Variants in ANKIB1 observed in about 807,000 individuals in gnomAD.
The protein encoded by ANKIB1 is ankyrin repeat and IBR domain-containing protein 1.
ANKIB1 carries 43 observed loss-of-function variants against 122.1 expected under a neutral mutation model. That is an observed-to-expected ratio of 0.35 (90% CI 0.28 to 0.45). The LOEUF (loss-of-function observed/expected upper bound fraction) is 0.45. Among genes scored for constraint, ANKIB1 ranks in the 20% least tolerant of loss-of-function variants. The pLI is 1.00. For synonymous variants in ANKIB1, 390 were observed against 442.0 expected, an observed-to-expected ratio of 0.88 and a Z score of 1.48; for missense variants, 992 against 1,329.5, an observed-to-expected ratio of 0.75 and a Z score of 3.95.
intron 3 of ANKIB1, among the ~76,000 whole-genome samples, chr7:92,311,251 A>C (rs1802685868): frequency 6.6e-6 from 1 of 152,164 alleles, no homozygotes; most frequent in African/African-American, 2.4e-5. Flanking sequence ...AGATTATAGT[A>C]TGGTGGAGGG....
chr7:92,313,017 T>C (rs1209324467), intron 3 of ANKIB1, among the ~76,000 whole-genome samples: 2 of 152,144 alleles, frequency 1.3e-5, no homozygotes, highest in Non-Finnish European at 2.9e-5. Context: ...CCCTAGTCAT[T>C]AGGCCTCATT....
In ANKIB1 at chr7:92,276,235, A is replaced by G. The variant is rs377470451; in HGVS notation, c.-90-18654A>G. Among the ~76,000 whole-genome samples the G allele has an allele frequency of 5.3e-5, 8 of 152,348 alleles. No homozygotes were observed. In the East Asian group the frequency reaches 7.7e-4, roughly 15 times the overall value. ...TGAACAAATACTGTAAAATTATTCTACAGAACAATTGTTCCAAGTTGTACC... is the reference window on the plus strand; with the variant it reads ...TGAACAAATACTGTAAAATTATTCTGCAGAACAATTGTTCCAAGTTGTACC... On this transcript the variant is annotated intron_variant, in intron 1 of 19. Transcript: ENST00000265742.
intron 5 of ANKIB1, among the ~76,000 whole-genome samples, chr7:92,338,934 ATATATATATAT>A (rs1234223009): frequency 5.2e-4 from 7 of 13,492 alleles, no homozygotes; most frequent in Non-Finnish European, 7.1e-4. Flanking sequence ...AAAAAAAAAA[ATATATATATAT>A]ATATATATAT....
At position 92,399,248 on chromosome 7, in the gene ANKIB1, TCCTCTATTTAG is replaced by T. The variant is rs776871815; in HGVS notation, c.*303_*313del. 4 of 203,404 alleles carry T rather than the reference TCCTCTATTTAG, an allele frequency of 2.0e-5. No homozygotes were observed. Among genetic ancestry groups the T allele is most frequent in the Non-Finnish European group, 3.9e-5 (4 of 102,768 alleles). 12.6% of individuals were successfully genotyped at this position (203,404 alleles called of 1,614,324 possible). ...TATTCCACACTCTAAGAAAATGCAG[TCCTCTATTTAG>T]CCTAGGCTTGACAATACTTAAATTG... On this transcript the variant is annotated 3_prime_UTR_variant, in exon 20 of 20. Coordinates refer to ENST00000265742, the MANE Select transcript of ANKIB1 (RefSeq NM_019004.2).
intron 2 of ANKIB1, among the ~76,000 whole-genome samples, chr7:92,295,966 A>G (rs2131920934): frequency 6.6e-6 from 1 of 152,200 alleles, no homozygotes; most frequent in East Asian, 1.9e-4. Context: ...AAGAGAAAGG[A>G]AAAAAATGCT....
chr7:92,397,569 T>TG (rs149839139), intron 18 of ANKIB1, among the ~76,000 whole-genome samples, 154 bp from the exon 19 acceptor site: 1,627 of 152,090 alleles, frequency 0.011, 33 homozygotes, highest in African/African-American at 0.038. Context: ...CAAATATGGA[T>TG]GAGAAATCCC....
At chr7:92,254,184 G>C (rs1200228628) in intron 1 of ANKIB1, among the ~76,000 whole-genome samples, 2 of 152,148 alleles carry the variant, frequency 1.3e-5, no homozygotes, top group Admixed American at 6.5e-5. Context: ...AGGAACCAGA[G>C]ATGAAAACAG....
At chr7:92,340,586 TAAG>T (rs1047759055) in intron 5 of ANKIB1, among the ~76,000 whole-genome samples, 2 of 150,948 alleles carry the variant, frequency 1.3e-5, no homozygotes, top group African/African-American at 4.8e-5. Flanking sequence ...CATGTAAATC[TAAG>T]GACAGAGAAA....
rs1437342604 is a variant in ANKIB1, at chr7:92,307,591, G to A, written c.421G>A (p.Val141Ile). 5 of 1,613,334 alleles carry A rather than the reference G, an allele frequency of 3.1e-6. No homozygotes were observed. The East Asian group carries it at 8.9e-5, about 29-fold the overall frequency. The part of the protein sequence containing the change: ...GEYERAAIDA[V>I]DNKKNTPLHY... ...ATATGAGAGAGCAGCTATTGATGCTGTTGATAACAAAAAAAACACACCCTT... is the reference window on the plus strand; with the variant it reads ...ATATGAGAGAGCAGCTATTGATGCTATTGATAACAAAAAAAACACACCCTT... Residue 141 changes from valine to isoleucine, a missense_variant, in exon 3 of 20, where the codon GTT becomes ATT. This residue lies in a region of ANKIB1 where 521 missense variants were observed against 777.7 expected (regional missense o/e 0.67). Transcript: ENST00000265742.
At chr7:92,259,630 T>G (rs1801518970) in intron 1 of ANKIB1, among the ~76,000 whole-genome samples, 1 of 152,224 alleles carries the variant, frequency 6.6e-6, no homozygotes, top group Admixed American at 6.5e-5. Context: ...CCAGGTTGTA[T>G]CTCCAGCCCA....
rs145953410 is a variant in ANKIB1 at position 92,395,175 on chromosome 7, G to T, written c.2284-1190G>T. On this transcript the variant is annotated intron_variant, in intron 17 of 19. Coordinates refer to ENST00000265742, the MANE Select transcript of ANKIB1 (RefSeq NM_019004.2). Reference sequence around the variant, plus strand: ...GTCACATTTATACCCAGGTAATAGCGATGGTCCCAGGTTGTACCCTCTGGT... The same window carrying T: ...GTCACATTTATACCCAGGTAATAGCTATGGTCCCAGGTTGTACCCTCTGGT... Among the ~76,000 whole-genome samples the T allele has an allele frequency of 2.9e-3, 441 of 152,120 alleles. 4 individuals carry two copies. Among genetic ancestry groups the T allele is most frequent in the African/African-American group, 0.01 (419 of 41,500 alleles).
chr7:92,382,490 T>C (rs1804539875), intron 11 of ANKIB1, among the ~76,000 whole-genome samples: 1 of 152,176 alleles, frequency 6.6e-6, no homozygotes, highest in Non-Finnish European at 1.5e-5. Flanking sequence ...TAGTTGGAAG[T>C]AAAGCACTCC....
intron 1 of ANKIB1, among the ~76,000 whole-genome samples, chr7:92,256,834 T>C (rs1167602446): frequency 6.6e-6 from 1 of 152,234 alleles, no homozygotes; most frequent in Non-Finnish European, 1.5e-5. Flanking sequence ...TCTGGCTTTC[T>C]CCAGGTAGTC....
chr7:92,400,996 C>G lies in ANKIB1; in HGVS notation c.*2047C>G, dbSNP rs1237685149. ...TGCAGTTAAGGTGAGAAAGAATGCT[C>G]TGTGTGAAGACAGTGTACACAATGG... On this transcript the variant is annotated 3_prime_UTR_variant, in exon 20 of 20. Coordinates refer to ENST00000265742, the MANE Select transcript of ANKIB1 (RefSeq NM_019004.2). 1 of 152,220 alleles carries G rather than the reference C, an allele frequency of 6.6e-6. No homozygotes were observed. The highest frequency in any genetic ancestry group is 1.5e-5 in the Non-Finnish European group (1 of 68,054). 9.4% of individuals were successfully genotyped at this position (152,220 alleles called of 1,614,324 possible).
At chr7:92,368,656 G>A (rs1475252934) in intron 10 of ANKIB1, among the ~76,000 whole-genome samples, 3 of 151,900 alleles carry the variant, frequency 2.0e-5, no homozygotes, top group Non-Finnish European at 2.9e-5. Context: ...AGGAGGCAGA[G>A]TTTGCAGTGA....
At chr7:92,299,323 T>C (rs1216641007) in intron 2 of ANKIB1, among the ~76,000 whole-genome samples, 1 of 152,220 alleles carries the variant, frequency 6.6e-6, no homozygotes, top group African/African-American at 2.4e-5. Flanking sequence ...AGAAGATCAG[T>C]GTATGATTTT....
chr7:92,292,564 G>A (rs991541530), intron 1 of ANKIB1, among the ~76,000 whole-genome samples: 2 of 151,970 alleles, frequency 1.3e-5, no homozygotes, highest in African/African-American at 4.8e-5. Context: ...TTTATAATTT[G>A]TGTTTTATTC....
intron 16 of ANKIB1, 82 bp from the exon 17 acceptor site, chr7:92,392,159 A>G (rs1804799816): frequency 8.8e-7 from 1 of 1,133,756 alleles, no homozygotes; most frequent in Middle Eastern, 2.1e-4. Context: ...AATTCAAAGT[A>G]ATGTTCAAAG....
In ANKIB1 at chr7:92,388,031, T is replaced by A. The variant is rs1804697905; in HGVS notation, c.1896T>A (p.Ala632=). Residue 632 remains alanine, a synonymous_variant, in exon 14 of 20, where the codon GCT becomes GCA. Transcript: ENST00000265742. ...AKEKMEQLSR[A]LKETEGGCPD... is the part of the protein sequence containing the mutation. ...AAAAGATGGAGCAATTGAGCAGAGC[T>A]CTCAAAGAAAGTAAGTTATAAGTTG... 1 of 1,569,170 alleles carries A rather than the reference T, an allele frequency of 6.4e-7. No individual in the cohort carries two copies. The highest frequency in any genetic ancestry group is 8.7e-7 in the Non-Finnish European group (1 of 1,156,018).
Sources: allele counts gnomAD v4.1 joint callset (sites outside exome capture counted in the v4.1 genomes callset), GRCh38; gene constraint gnomAD v4.1.1; regional missense constraint gnomAD v4.1.1; transcripts MANE v1.5; gene names NCBI Gene and HGNC (gene_info 2026-07-23, HGNC 2026-07-21).